The following L3MBTL1 variants were observed in gnomAD, a reference collection of about 807,000 sequenced individuals.
L3MBTL1 encodes L3MBTL histone methyl-lysine binding protein 1.
A neutral mutation model predicts 105.3 loss-of-function variants in L3MBTL1; 75 were observed. That is an observed-to-expected ratio of 0.71 (90% confidence interval 0.59 to 0.86). The LOEUF (loss-of-function observed/expected upper bound fraction) is 0.86, where lower values mean the gene tolerates loss of function less well. Among genes scored for constraint, L3MBTL1 ranks in the 40% least tolerant of loss-of-function variants. The probability of loss-of-function intolerance (pLI) is 0.00; values close to 1 mark genes in which losing one functional copy is unlikely to be tolerated. For synonymous variants in L3MBTL1, 452 were observed against 436.2 expected (o/e 1.04, Z -0.45); for missense variants, 1,069 against 1,126.4 (o/e 0.95, Z 0.73).
chr20:43,524,786 G>A (rs1488714540), intron 7 of L3MBTL1, among the ~76,000 whole-genome samples: 1 of 152,178 alleles, frequency 6.6e-6, no homozygotes, highest in East Asian at 1.9e-4. Context: ...ATCAACCTAT[G>A]CAAAGGCACA....
rs1297066856 is a variant in L3MBTL1 at position 43,534,427 on chromosome 20, C to T, written c.1710+33C>T. Reference sequence around the variant, plus strand: ...TGGGACCCTAGGGCTGGGAAGTGGACAGGCCAGTTGGGCAGGAATTCTGTA... The same window carrying T: ...TGGGACCCTAGGGCTGGGAAGTGGATAGGCCAGTTGGGCAGGAATTCTGTA... On this transcript the variant is annotated intron_variant, in intron 15 of 21. Coordinates refer to ENST00000418998, the MANE Select transcript of L3MBTL1 (RefSeq NM_001377303.1). 10 of 1,563,220 alleles carry T rather than the reference C, an allele frequency of 6.4e-6. No individual in the cohort carries two copies. The East Asian group carries it at 6.7e-5, about 11-fold the overall frequency.
intron 8 of L3MBTL1, chr20:43,529,039 G>C: frequency 1.7e-6 from 1 of 603,518 alleles, no homozygotes; most frequent in Non-Finnish European, 2.9e-6. Flanking sequence ...ACTTTGGTGA[G>C]AGGGAGCCCT....
exon 19 of L3MBTL1, chr20:43,548,147 G>A: frequency 7.7e-7 from 1 of 1,304,212 alleles, no homozygotes; most frequent in Non-Finnish European, 1.0e-6. Flanking sequence ...GCTGACACAG[G>A]CGGACATTGT....
intron 7 of L3MBTL1, 47 bp downstream of exon 7, chr20:43,516,224 C>A: frequency 7.1e-7 from 1 of 1,410,852 alleles, no homozygotes; most frequent in Non-Finnish European, 1.0e-6. Context: ...TGTGTATATA[C>A]CTTTGGAGGT....
intron 1 of L3MBTL1, among the ~76,000 whole-genome samples, chr20:43,512,842 C>T (rs1237019118): frequency 6.6e-6 from 1 of 152,262 alleles, no homozygotes; most frequent in Non-Finnish European, 1.5e-5. Context: ...AACAAAATCA[C>T]GTACTGACTT....
chr20:43,520,632 T>C (rs1201581568), intron 7 of L3MBTL1, among the ~76,000 whole-genome samples: 1 of 152,262 alleles, frequency 6.6e-6, no homozygotes, highest in African/African-American at 2.4e-5. Flanking sequence ...TGATTTGCAT[T>C]TCCCTGATGG....
intron 6 of L3MBTL1, 36 bp from the exon 7 acceptor site, chr20:43,516,056 GA>G: frequency 6.6e-7 from 1 of 1,506,766 alleles, no homozygotes. Context: ...CCCAAACCAT[GA>G]GGAGAAGAAG....
intron 1 of L3MBTL1, among the ~76,000 whole-genome samples, chr20:43,509,167 G>C (rs992617804): frequency 2.6e-5 from 4 of 151,938 alleles, no homozygotes; most frequent in Non-Finnish European, 5.9e-5. Context: ...TTTATACTCA[G>C]TTATGTGGTT....
chr20:43,530,210 C>T, intron 9 of L3MBTL1, 74 bp from the exon 10 acceptor site: 5 of 1,590,980 alleles, frequency 3.1e-6, no homozygotes, highest in Non-Finnish European at 3.4e-6. Flanking sequence ...CCAGACTGGG[C>T]CAGGAGAGGT....
rs79212265 is a variant in L3MBTL1 at position 43,532,125 on chromosome 20, C to A, written c.1285-648C>A. On this transcript the variant is annotated intron_variant, in intron 11 of 21. Coordinates refer to ENST00000418998, the MANE Select transcript of L3MBTL1 (RefSeq NM_001377303.1). ...CAGGCAGAGACAGTTACTCCCCTAC[C>A]CCAGTCCAGCCCCAGAGTTCATACT... is the stretch of plus-strand genomic sequence containing the variant. 9.0e-3 allele frequency: 1,373 copies of A among 152,566 alleles called. 25 individuals carry two copies. The highest frequency in any genetic ancestry group is 0.027 in the Middle Eastern group (8 of 294). 9.5% of individuals were successfully genotyped at this position (152,566 alleles called of 1,614,324 possible). A position where few individuals can be genotyped will look rare whatever the true frequency, so the allele number is the denominator to read the frequency against.
chr20:43,522,457 G>GTTTTTTTTTTTGTTTTT (rs2018771025), intron 7 of L3MBTL1, among the ~76,000 whole-genome samples: 1 of 95,896 alleles, frequency 1.0e-5, no homozygotes, highest in Admixed American at 1.4e-4. Flanking sequence ...TCCCTGCTAA[G>GTTTTTTTTTTTGTTTTT]TTTTTTTTTT....
At chr20:43,514,826 C>T (rs2018285301) in intron 4 of L3MBTL1, 50 bp downstream of exon 4, 3 of 1,495,032 alleles carry the variant, frequency 2.0e-6, no homozygotes, top group Non-Finnish European at 2.7e-6. Flanking sequence ...GCGGGTGGGG[C>T]GAGGCCTGAG....
intron 7 of L3MBTL1, among the ~76,000 whole-genome samples, chr20:43,524,307 A>T (rs997898589): frequency 4.6e-5 from 7 of 152,168 alleles, no homozygotes; most frequent in African/African-American, 1.7e-4. Context: ...CTTTGGCTGC[A>T]TCTCAGTTTT....
rs2018193596 is a variant in L3MBTL1, at chr20:43,513,483, A to G, written c.-21A>G. On this transcript the variant is annotated 5_prime_UTR_variant, in exon 2 of 22. Transcript: ENST00000418998. ...GCTATGTTTGGCTTGTAGGCCTGCC[A>G]GGATGGAGGGGCATGCTGGGATGGA... 2 of 1,549,320 alleles carry G rather than the reference A, an allele frequency of 1.3e-6. No individual in the cohort carries two copies. Among genetic ancestry groups the G allele is most frequent in the Non-Finnish European group, 8.7e-7 (1 of 1,146,092 alleles).
chr20:43,527,234 A>G (rs546168979), intron 7 of L3MBTL1, among the ~76,000 whole-genome samples: 1 of 152,328 alleles, frequency 6.6e-6, no homozygotes, highest in African/African-American at 2.4e-5. Flanking sequence ...CATTTCACAG[A>G]TGACAAAATA....
chr20:43,519,967 T>A (rs2018622061), intron 7 of L3MBTL1, among the ~76,000 whole-genome samples: 2 of 152,202 alleles, frequency 1.3e-5, no homozygotes, highest in South Asian at 4.1e-4. Flanking sequence ...ATTCATCCAT[T>A]TGAAGTGTAC....
intron 1 of L3MBTL1, 60 bp from the exon 2 acceptor site, chr20:43,513,416 C>T: frequency 6.8e-7 from 1 of 1,477,736 alleles, no homozygotes; most frequent in Admixed American, 2.2e-5. Flanking sequence ...TTCACATCTC[C>T]ATTGCTGCTG....
chr20:43,532,758 CTTT>C lies in L3MBTL1; in HGVS notation c.1285-10_1285-8del. ...AGCTTGGCCCTGGCCGTGGCAGCTC[CTTT>C]TTTTCCCCTAGAGTCCCCCACCCCT... On this transcript the variant is annotated splice_polypyrimidine_tract_variant and intron_variant, in intron 11 of 21. Coordinates refer to ENST00000418998, the MANE Select transcript of L3MBTL1 (RefSeq NM_001377303.1). 1 of 1,613,958 alleles carries C rather than the reference CTTT, an allele frequency of 6.2e-7. No individual in the cohort carries two copies. Among genetic ancestry groups the C allele is most frequent in the South Asian group, 1.1e-5 (1 of 91,074 alleles).
chr20:43,513,903 A>G lies in L3MBTL1; in HGVS notation c.202A>G (p.Ile68Val), dbSNP rs2018211067. The G allele has an allele frequency of 1.3e-6, 2 of 1,550,560 alleles. No individual in the cohort carries two copies. The highest frequency in any genetic ancestry group is 1.7e-6 in the Non-Finnish European group (2 of 1,146,986). The change falls in exon 3 of 22, where the codon ATC (isoleucine) becomes GTC (valine). Residue 68 changes from isoleucine to valine, a missense_variant. Ile to Val is a conservative substitution (Grantham distance 29). Transcript: ENST00000418998. ...TGTGTCTTGCTTTCCCCGGGAGCCA[A>G]TCCATGTGGGTGCCCCGGAGCAAGT... is the stretch of plus-strand genomic sequence containing the variant. ...LDVSCFPREPIHVGAPEQVAG... is the reference protein window; with the variant it reads ...LDVSCFPREPVHVGAPEQVAG...
Sources: allele counts gnomAD v4.1 joint callset (sites outside exome capture counted in the v4.1 genomes callset), GRCh38; gene constraint gnomAD v4.1.1; transcripts MANE v1.5; gene names NCBI Gene and HGNC (gene_info 2026-07-23, HGNC 2026-07-21).